The following ITFG1 variants were observed in gnomAD, a reference collection of about 807,000 sequenced individuals.
The protein encoded by ITFG1 is integrin alpha FG-GAP repeat containing 1, also known as T-cell immunomodulatory protein.
Under a neutral mutation model 81.8 loss-of-function variants are expected in ITFG1, and 34 were observed. The ratio of observed to expected loss-of-function variants is 0.42; its 90% CI spans 0.32 to 0.55. The LOEUF (loss-of-function observed/expected upper bound fraction) is 0.55. Ranked by LOEUF, ITFG1 falls within the 20% of genes least tolerant of loss-of-function variation. The pLI is 0.17. For missense variants in ITFG1, 672 were observed against 755.4 expected (o/e 0.89, Z 1.29); for synonymous variants, 285 against 270.6 (o/e 1.05, Z -0.52).
At chr16:47,357,587 C>G (rs1358616678) in intron 8 of ITFG1, among the ~76,000 whole-genome samples, 1 of 146,772 alleles carries the variant, frequency 6.8e-6, no homozygotes, top group Admixed American at 6.8e-5. Context: ...CGCACTCCAG[C>G]CTAGGTGACA....
At chr16:47,158,606 G>C (rs944347586) in intron 17 of ITFG1, among the ~76,000 whole-genome samples, 1 of 151,714 alleles carries the variant, frequency 6.6e-6, no homozygotes, top group African/African-American at 2.4e-5. Context: ...TTTGATTTCC[G>C]GTTGATCACT....
chr16:47,355,829 C>A (rs553075800), intron 8 of ITFG1, among the ~76,000 whole-genome samples: 29 of 151,082 alleles, frequency 1.9e-4, no homozygotes, highest in Admixed American at 1.1e-3. Flanking sequence ...TATACATAAT[C>A]ATATTTTTGA....
At chr16:47,347,255 A>T (rs531143501) in intron 8 of ITFG1, among the ~76,000 whole-genome samples, 27 of 152,356 alleles carry the variant, frequency 1.8e-4, no homozygotes, top group African/African-American at 6.0e-4. Flanking sequence ...GCATCGCCCC[A>T]CCCAGGAAGT....
chr16:47,202,120 T>C (rs555587687), intron 14 of ITFG1: 84 of 152,364 alleles, frequency 5.5e-4, no homozygotes, highest in African/African-American at 1.9e-3. Flanking sequence ...CATGTTTATA[T>C]GAGGCTATTG....
At chr16:47,248,731 T>A (rs990396553) in intron 12 of ITFG1, among the ~76,000 whole-genome samples, 1 of 152,228 alleles carries the variant, frequency 6.6e-6, no homozygotes, top group Admixed American at 6.5e-5. Context: ...GCCCATTTTT[T>A]AAAAGTGAGA....
intron 10 of ITFG1, among the ~76,000 whole-genome samples, chr16:47,300,429 AG>A (rs1306303742): frequency 6.6e-6 from 1 of 152,206 alleles, no homozygotes; most frequent in Non-Finnish European, 1.5e-5. Flanking sequence ...GAGAAGGTCC[AG>A]TTCTTCACAC....
At chr16:47,322,675 G>A (rs1967466509) in intron 8 of ITFG1, among the ~76,000 whole-genome samples, 1 of 152,178 alleles carries the variant, frequency 6.6e-6, no homozygotes, top group Non-Finnish European at 1.5e-5. Context: ...GGGCGATACA[G>A]TGAGACTCTG....
chr16:47,370,027 G>A lies in ITFG1; in HGVS notation c.721-4158C>T, dbSNP rs1038901300. ...CTAACTTTTTTTGTGTTTTTAGTAC[G>A]GACGGGGTTTCACCGTGTTAACCAG... On this transcript the variant is annotated intron_variant, in intron 7 of 17. Transcript: ENST00000320640. Among the ~76,000 whole-genome samples the A allele has an allele frequency of 4.0e-5, 6 of 151,406 alleles. No individual in the cohort carries two copies. The South Asian group carries it at 8.4e-4, about 21-fold the overall frequency.
intron 6 of ITFG1, among the ~76,000 whole-genome samples, chr16:47,387,572 A>G (rs1325843669): frequency 6.6e-6 from 1 of 152,132 alleles, no homozygotes; most frequent in African/African-American, 2.4e-5. Context: ...ACCTCCAAAC[A>G]GCACACAAAT....
chr16:47,334,610 T>C (rs1199183759), intron 8 of ITFG1, among the ~76,000 whole-genome samples: 1 of 152,162 alleles, frequency 6.6e-6, no homozygotes, highest in Non-Finnish European at 1.5e-5. Context: ...CAGTTTTATA[T>C]AGGTGGAGAA....
At chr16:47,288,664 C>T (rs1251095541) in intron 10 of ITFG1, among the ~76,000 whole-genome samples, 3 of 151,904 alleles carry the variant, frequency 2.0e-5, no homozygotes, top group Admixed American at 6.6e-5. Flanking sequence ...GACCAAAGGC[C>T]AAGGTAGGAA....
chr16:47,439,307 A>G (rs1969213052), intron 5 of ITFG1, among the ~76,000 whole-genome samples: 1 of 152,228 alleles, frequency 6.6e-6, no homozygotes, highest in African/African-American at 2.4e-5. Flanking sequence ...AAGGCAGGCC[A>G]ACACTGAAAT....
Position 47,424,206 on chromosome 16 carries a change from C to A in ITFG1, c.655+4598G>T, listed in dbSNP as rs546177147. On this transcript the variant is annotated intron_variant, in intron 6 of 17. Transcript: ENST00000320640. ...TCTTCAATCACTGATACTCTTTGTT[C>A]CACTTGATCGAATCAGCTATTGAAG... 3.3e-5 allele frequency among the ~76,000 whole-genome samples: 5 copies of A among 152,310 alleles called. No individual in the cohort carries two copies. In the East Asian group the frequency reaches 9.6e-4, roughly 29 times the overall value.
At chr16:47,410,327 G>A (rs1968794282) in intron 6 of ITFG1, among the ~76,000 whole-genome samples, 1 of 152,038 alleles carries the variant, frequency 6.6e-6, no homozygotes, top group East Asian at 1.9e-4. Context: ...TAGTAAATAA[G>A]CAATTCCAAG....
chr16:47,402,297 CTATAAGTA>C (rs1221390147), intron 6 of ITFG1, among the ~76,000 whole-genome samples: 1 of 152,168 alleles, frequency 6.6e-6, no homozygotes, highest in Non-Finnish European at 1.5e-5. Context: ...GTTTATATGT[CTATAAGTA>C]TATATCTGTA....
intron 16 of ITFG1, among the ~76,000 whole-genome samples, chr16:47,160,315 GCTT>G (rs1008660463): frequency 1.3e-5 from 2 of 151,720 alleles, no homozygotes; most frequent in Non-Finnish European, 2.9e-5. Flanking sequence ...TGTATAGATG[GCTT>G]CTTTTTAAAT....
chr16:47,407,843 G>A (rs1189123286), intron 6 of ITFG1, among the ~76,000 whole-genome samples: 1 of 152,168 alleles, frequency 6.6e-6, no homozygotes, highest in African/African-American at 2.4e-5. Flanking sequence ...ATAGTGGGAC[G>A]TCTAGCTTGG....
intron 10 of ITFG1, among the ~76,000 whole-genome samples, chr16:47,270,266 A>G (rs1245387683): frequency 6.6e-6 from 1 of 152,226 alleles, no homozygotes; most frequent in Non-Finnish European, 1.5e-5. Flanking sequence ...AAATGAAAAG[A>G]TAAGCTAGAG....
intron 14 of ITFG1, among the ~76,000 whole-genome samples, chr16:47,170,478 G>A (rs1328871680): frequency 1.3e-5 from 2 of 151,244 alleles, no homozygotes; most frequent in Non-Finnish European, 2.9e-5. Context: ...TGTCCAGGCT[G>A]GAGTGCAATG....
Sources: allele counts gnomAD v4.1 joint callset (sites outside exome capture counted in the v4.1 genomes callset), GRCh38; gene constraint gnomAD v4.1.1; transcripts MANE v1.5; gene names NCBI Gene and HGNC (gene_info 2026-07-23, HGNC 2026-07-21).